NPAP1: variants seen among roughly 807,000 people sequenced by gnomAD.
The protein encoded by NPAP1 is nuclear pore associated protein 1, also known as nuclear pore-associated protein 1.
For missense variants in NPAP1, 1,483 were observed against 1,454.5 expected (o/e 1.02, Z -0.32); for synonymous variants, 616 against 581.4 (o/e 1.06, Z -0.86).
chr15:24,682,221 G>A lies in NPAP1; in HGVS notation c.*2883G>A, dbSNP rs1449671524. The A allele has an allele frequency of 6.0e-6, 1 of 167,000 alleles. No homozygotes were observed. Among genetic ancestry groups the A allele is most frequent in the Non-Finnish European group, 1.5e-5 (1 of 68,122 alleles). The allele number at this position is 167,000 out of a possible 1,614,324, so 10.3% of individuals were successfully genotyped here. Reference sequence around the variant, plus strand: ...CTAAATTGTTTAGTACAGTTCCAGAGGATCAAAGCTCCTGTTTCCTGGCCA... The same window carrying A: ...CTAAATTGTTTAGTACAGTTCCAGAAGATCAAAGCTCCTGTTTCCTGGCCA... On this transcript the variant is annotated 3_prime_UTR_variant, in exon 1 of 1. Coordinates refer to ENST00000329468, the MANE Select transcript of NPAP1 (RefSeq NM_018958.3).
At position 24,679,553 on chromosome 15, in the gene NPAP1, G is replaced by A. The variant is rs2049003620; in HGVS notation, c.*215G>A. 1 of 582,650 alleles carries A rather than the reference G, an allele frequency of 1.7e-6. No individual in the cohort carries two copies. The highest frequency in any genetic ancestry group is 1.9e-5 in the African/African-American group (1 of 53,342). The allele number at this position is 582,650 out of a possible 1,614,324, so 36.1% of individuals were successfully genotyped here. A position where few individuals can be genotyped will look rare whatever the true frequency, so the allele number is the denominator to read the frequency against. On this transcript the variant is annotated 3_prime_UTR_variant, in exon 1 of 1. Transcript: ENST00000329468. Reference sequence around the variant, plus strand: ...TGGGTCCCACCTGGACAAAACACAGGTGGTGCATCTGCAGTGAATGGCAAC... The same window carrying A: ...TGGGTCCCACCTGGACAAAACACAGATGGTGCATCTGCAGTGAATGGCAAC...
Position 24,676,642 on chromosome 15 carries a change from G to A in NPAP1, c.775G>A (p.Ala259Thr), listed in dbSNP as rs199720232. 3 of 1,613,818 alleles carry A rather than the reference G, an allele frequency of 1.9e-6. No individual in the cohort carries two copies. The highest frequency in any genetic ancestry group is 2.7e-5 in the African/African-American group (2 of 74,926). The change falls in exon 1 of 1, where the codon GCA (alanine) becomes ACA (threonine). Residue 259 changes from alanine (A) to threonine (T), a missense_variant. Transcript: ENST00000329468. Reference protein sequence around the residue: ...ARHLGKPDPDATAPPEPAVGC... With the variant: ...ARHLGKPDPDTTAPPEPAVGC... ...GCATCTTGGAAAGCCTGATCCGGATGCAACAGCGCCCCCTGAGCCAGCCGT... is the reference window on the plus strand; with the variant it reads ...GCATCTTGGAAAGCCTGATCCGGATACAACAGCGCCCCCTGAGCCAGCCGT...
Position 24,677,432 on chromosome 15 carries a change from A to T in NPAP1, c.1565A>T (p.Asp522Val), listed in dbSNP as rs2141310348. The part of the protein sequence containing the change: ...TRESPISMCV[D>V]SPPPLSFLTL... ...GAGTCCCCAATATCTATGTGTGTGG[A>T]TTCCCCTCCTCCTCTTTCCTTCCTG... is the stretch of plus-strand genomic sequence containing the variant. Residue 522 changes from aspartate (D) to valine (V), a missense_variant, in exon 1 of 1, where the codon GAT becomes GTT. Coordinates refer to ENST00000329468, the MANE Select transcript of NPAP1 (RefSeq NM_018958.3). 1.2e-6 allele frequency: 2 copies of T among 1,613,766 alleles called. No individual in the cohort carries two copies. The highest frequency in any genetic ancestry group is 1.6e-4 in the Middle Eastern group (1 of 6,062).
rs765927191 is a variant in NPAP1 at position 24,676,823 on chromosome 15, G to C, written c.956G>C (p.Arg319Thr). 26 of 1,612,932 alleles carry C rather than the reference G, an allele frequency of 1.6e-5. No individual in the cohort carries two copies. Among genetic ancestry groups the C allele is most frequent in the Non-Finnish European group, 2.2e-5 (26 of 1,180,018 alleles). The change falls in exon 1 of 1, where the codon AGA becomes ACA. Residue 319 changes from arginine (R) to threonine (T), a missense_variant. Transcript: ENST00000329468. ...CIPPRSAAPP[R>T]AARNRPCKRK... ...CCTCCAAGGAGCGCTGCTCCTCCCA[G>C]AGCTGCCCGCAACAGGCCCTGCAAA...
chr15:24,681,006 A>G lies in NPAP1; in HGVS notation c.*1668A>G, dbSNP rs1363121974. 3 of 167,078 alleles carry G rather than the reference A, an allele frequency of 1.8e-5. No homozygotes were observed. The highest frequency in any genetic ancestry group is 4.4e-5 in the Non-Finnish European group (3 of 68,140). The allele number at this position is 167,078 out of a possible 1,614,324, so 10.3% of individuals were successfully genotyped here. On this transcript the variant is annotated 3_prime_UTR_variant, in exon 1 of 1. Coordinates refer to ENST00000329468, the MANE Select transcript of NPAP1 (RefSeq NM_018958.3). Reference sequence around the variant, plus strand: ...GCCTAGAGAGAAGCAGTTGAGCCAGATATATGAGCAAAGACCTTTCCAGAT... The same window carrying G: ...GCCTAGAGAGAAGCAGTTGAGCCAGGTATATGAGCAAAGACCTTTCCAGAT...
rs191107486 is a variant in NPAP1 at position 24,680,053 on chromosome 15, T to A, written c.*715T>A. On this transcript the variant is annotated 3_prime_UTR_variant, in exon 1 of 1. Coordinates refer to ENST00000329468, the MANE Select transcript of NPAP1 (RefSeq NM_018958.3). ...AGCCTTAGCCCAGGCTGGAGTGTAG[T>A]AGCACAATCTCGGCTCACTGCAACC... is the stretch of plus-strand genomic sequence containing the variant. The A allele has an allele frequency of 4.5e-5, 8 of 176,566 alleles. No homozygotes were observed. The highest frequency in any genetic ancestry group is 6.7e-5 in the Non-Finnish European group (5 of 75,098). 10.9% of individuals were successfully genotyped at this position (176,566 alleles called of 1,614,324 possible).
rs2141311582 is a variant in NPAP1 at position 24,677,995 on chromosome 15, A to G, written c.2128A>G (p.Ile710Val). ...MHTTPPSKAV[I>V]LQSASVSKKY... ...TACCACTCCTCCTTCCAAGGCTGTC[A>G]TCTTGCAGTCTGCCTCTGTCTCCAA... is the stretch of plus-strand genomic sequence containing the variant. Residue 710 changes from isoleucine (I) to valine (V), a missense_variant, in exon 1 of 1, where the codon ATC becomes GTC. Physicochemically the swap from Ile to Val is conservative, Grantham distance 29. Transcript: ENST00000329468. The G allele has an allele frequency of 2.5e-6, 4 of 1,614,018 alleles. No homozygotes were observed. Among genetic ancestry groups the G allele is most frequent in the Non-Finnish European group, 2.5e-6 (3 of 1,180,016 alleles).
chr15:24,680,439 A>T lies in NPAP1; in HGVS notation c.*1101A>T, dbSNP rs560519104. On this transcript the variant is annotated 3_prime_UTR_variant, in exon 1 of 1. Coordinates refer to ENST00000329468, the MANE Select transcript of NPAP1 (RefSeq NM_018958.3). ...AGCCACCAACTCATTTTTTACTCCT[A>T]TCAATGGTCTTAAGAAATAAGCACT... The T allele has an allele frequency of 1.8e-5, 3 of 167,210 alleles. No individual in the cohort carries two copies. The highest frequency in any genetic ancestry group is 6.5e-5 in the Admixed American group (1 of 15,304). 10.4% of individuals were successfully genotyped at this position (167,210 alleles called of 1,614,324 possible). A position where few individuals can be genotyped will look rare whatever the true frequency, so the allele number is the denominator to read the frequency against.
In NPAP1 at chr15:24,679,088, G is replaced by C. The variant is rs752566613; in HGVS notation, c.3221G>C (p.Ser1074Thr). ...HSMAAAPQGASNIPVFGYTSA... is the reference protein window; with the variant it reads ...HSMAAAPQGATNIPVFGYTSA... ...ATGGCTGCTGCACCACAAGGGGCTA[G>C]CAACATTCCTGTATTTGGATATACT... The change falls in exon 1 of 1, where the codon AGC becomes ACC. Residue 1074 changes from serine (S) to threonine (T), a missense_variant. Coordinates refer to ENST00000329468, the MANE Select transcript of NPAP1 (RefSeq NM_018958.3). 1.9e-6 allele frequency: 3 copies of C among 1,614,080 alleles called. No individual in the cohort carries two copies. Among genetic ancestry groups the C allele is most frequent in the East Asian group, 2.2e-5 (1 of 44,874 alleles).
rs201894790 is a variant in NPAP1 at position 24,679,123 on chromosome 15, G to T, written c.3256G>T (p.Ala1086Ser). 6.2e-7 allele frequency: 1 copy of T among 1,614,182 alleles called. No individual in the cohort carries two copies. Among genetic ancestry groups the T allele is most frequent in the South Asian group, 1.1e-5 (1 of 91,088 alleles). Residue 1086 changes from alanine to serine, a missense_variant, in exon 1 of 1, where the codon GCC becomes TCC. Coordinates refer to ENST00000329468, the MANE Select transcript of NPAP1 (RefSeq NM_018958.3). ...TGTATTTGGATATACTTCTGCTGCC[G>T]CCTACATTCCTGGTTTAGACCCACC... is the stretch of plus-strand genomic sequence containing the variant. Reference protein sequence around the residue: ...IPVFGYTSAAAYIPGLDPPTQ... With the variant: ...IPVFGYTSAASYIPGLDPPTQ...
In NPAP1 at chr15:24,675,909, C is replaced by G. The variant is rs2048971429; in HGVS notation, c.42C>G (p.Arg14=). The change falls in exon 1 of 1, where the codon CGC becomes CGG. Residue 14 remains arginine (R), a synonymous_variant. Transcript: ENST00000329468. ...LLSKFRPGCR[R]RPLPGPGRGA... is the part of the protein sequence containing the mutation. ...GTAAATTTAGACCCGGGTGCCGCCG[C>G]CGGCCCCTGCCAGGGCCAGGGCGTG... 5.7e-6 allele frequency: 9 copies of G among 1,580,178 alleles called. No homozygotes were observed. The highest frequency in any genetic ancestry group is 7.7e-6 in the Non-Finnish European group (9 of 1,166,818).
rs2141312592 is a variant in NPAP1, at chr15:24,678,419, A to G, written c.2552A>G (p.Tyr851Cys). 1 of 1,613,860 alleles carries G rather than the reference A, an allele frequency of 6.2e-7. No individual in the cohort carries two copies. The highest frequency in any genetic ancestry group is 8.5e-7 in the Non-Finnish European group (1 of 1,179,976). ...AGGAAGGAGGAGTACATCCGATTTT[A>G]TATGGGGCTTCCTGGTTCTGGGAAC... ...VSRKEEYIRF[Y>C]MGLPGSGNTL... Residue 851 changes from tyrosine (Y) to cysteine (C), a missense_variant, in exon 1 of 1, where the codon TAT becomes TGT. Tyr to Cys is a radical substitution (Grantham distance 194). Coordinates refer to ENST00000329468, the MANE Select transcript of NPAP1 (RefSeq NM_018958.3).
Position 24,676,648 on chromosome 15 carries a change from G to T in NPAP1, c.781G>T (p.Ala261Ser), listed in dbSNP as rs1450179943. The T allele has an allele frequency of 2.5e-6, 4 of 1,613,964 alleles. No homozygotes were observed. The highest frequency in any genetic ancestry group is 3.4e-6 in the Non-Finnish European group (4 of 1,180,044). The change falls in exon 1 of 1, where the codon GCG (alanine) becomes TCG (serine). Residue 261 changes from alanine (A) to serine (S), a missense_variant. Ala to Ser is a moderately conservative substitution (Grantham distance 99). Transcript: ENST00000329468. ...TGGAAAGCCTGATCCGGATGCAACA[G>T]CGCCCCCTGAGCCAGCCGTTGGCTG... The part of the protein sequence containing the change: ...HLGKPDPDAT[A>S]PPEPAVGCSL...
chr15:24,677,550 A>G lies in NPAP1; in HGVS notation c.1683A>G (p.Ala561=), dbSNP rs1175406309. 1 of 1,614,118 alleles carries G rather than the reference A, an allele frequency of 6.2e-7. No individual in the cohort carries two copies. The highest frequency in any genetic ancestry group is 2.2e-5 in the East Asian group (1 of 44,870). The change falls in exon 1 of 1, where the codon GCA becomes GCG. Residue 561 remains alanine, a synonymous_variant. Transcript: ENST00000329468. ...TCATTTCCACTGTCACAACAAACGC[A>G]TCTGCCCACCTAACCTCACAGACTG... The part of the protein sequence containing the change: ...TSVISTVTTN[A]SAHLTSQTAV...
Position 24,678,299 on chromosome 15 carries a change from C to T in NPAP1, c.2432C>T (p.Ser811Phe), listed in dbSNP as rs2141312322. 6.2e-7 allele frequency: 1 copy of T among 1,614,186 alleles called. No individual in the cohort carries two copies. The highest frequency in any genetic ancestry group is 8.5e-7 in the Non-Finnish European group (1 of 1,180,036). Reference sequence around the variant, plus strand: ...ACCTCCACTTTAGTGAGCAGTGCCTCTGCAGCATCGTTATCCAAGCCTGCC... The same window carrying T: ...ACCTCCACTTTAGTGAGCAGTGCCTTTGCAGCATCGTTATCCAAGCCTGCC... ...PDTSTLVSSASAASLSKPAID... is the reference protein window; with the variant it reads ...PDTSTLVSSAFAASLSKPAID... Residue 811 changes from serine (S) to phenylalanine (F), a missense_variant, in exon 1 of 1, where the codon TCT (serine) becomes TTT (phenylalanine). By Grantham distance (155) the Ser-to-Phe change is radical. Coordinates refer to ENST00000329468, the MANE Select transcript of NPAP1 (RefSeq NM_018958.3).
rs2141309750 is a variant in NPAP1 at position 24,677,167 on chromosome 15, A to G, written c.1300A>G (p.Thr434Ala). 6.2e-7 allele frequency: 1 copy of G among 1,613,948 alleles called. No individual in the cohort carries two copies. Among genetic ancestry groups the G allele is most frequent in the South Asian group, 1.1e-5 (1 of 91,068 alleles). ...LPIPDLADLA[T>A]GPLILPIPPL... ...CATCCCTGACTTGGCTGACCTGGCT[A>G]CTGGACCCCTCATCCTGCCTATCCC... is the stretch of plus-strand genomic sequence containing the variant. Residue 434 changes from threonine to alanine, a missense_variant, in exon 1 of 1, where the codon ACT (threonine) becomes GCT (alanine). Transcript: ENST00000329468.
rs2049015233 is a variant in NPAP1, at chr15:24,681,342, T to C, written c.*2004T>C. 6.0e-6 allele frequency: 1 copy of C among 166,732 alleles called. No individual in the cohort carries two copies. The highest frequency in any genetic ancestry group is 1.5e-5 in the Non-Finnish European group (1 of 68,106). The allele number at this position is 166,732 out of a possible 1,614,324, so 10.3% of individuals were successfully genotyped here. A position where few individuals can be genotyped will look rare whatever the true frequency, so the allele number is the denominator to read the frequency against. ...TATAAGCTTTTGTTGTAATTTGTTATATACATAGGGATGGATAGACGGATG... is the reference window on the plus strand; with the variant it reads ...TATAAGCTTTTGTTGTAATTTGTTACATACATAGGGATGGATAGACGGATG... On this transcript the variant is annotated 3_prime_UTR_variant, in exon 1 of 1. Transcript: ENST00000329468.
At position 24,678,188 on chromosome 15, in the gene NPAP1, T is replaced by G. The variant is rs764123674; in HGVS notation, c.2321T>G (p.Phe774Cys). The change falls in exon 1 of 1, where the codon TTT becomes TGT. Residue 774 changes from phenylalanine (F) to cysteine (C), a missense_variant. Coordinates refer to ENST00000329468, the MANE Select transcript of NPAP1 (RefSeq NM_018958.3). ...CCAGGAGCCACCCCTCAACCCAAAT[T>G]TGGGGCCCCTGATGGGCCGCAGCAG... ...LNPGATPQPK[F>C]GAPDGPQQKT... 6.2e-7 allele frequency: 1 copy of G among 1,612,796 alleles called. No individual in the cohort carries two copies. Among genetic ancestry groups the G allele is most frequent in the Admixed American group, 1.7e-5 (1 of 59,850 alleles).
At position 24,678,944 on chromosome 15, in the gene NPAP1, C is replaced by T. The variant is rs2048998618; in HGVS notation, c.3077C>T (p.Ala1026Val). 3 of 1,614,002 alleles carry T rather than the reference C, an allele frequency of 1.9e-6. No individual in the cohort carries two copies. Among genetic ancestry groups the T allele is most frequent in the South Asian group, 1.1e-5 (1 of 91,090 alleles). ...DGGSIGFSMSAPGPSSTSGEL... is the reference protein window; with the variant it reads ...DGGSIGFSMSVPGPSSTSGEL... Reference sequence around the variant, plus strand: ...GGGAGCATTGGGTTCAGCATGTCTGCCCCAGGCCCCAGTTCCACATCAGGA... The same window carrying T: ...GGGAGCATTGGGTTCAGCATGTCTGTCCCAGGCCCCAGTTCCACATCAGGA... Residue 1026 changes from alanine (A) to valine (V), a missense_variant, in exon 1 of 1, where the codon GCC (alanine) becomes GTC (valine). Transcript: ENST00000329468.
Sources: gnomAD v4.1 joint callset for allele counts on GRCh38, gnomAD v4.1.1 for gene constraint, MANE v1.5 for transcripts, NCBI Gene and HGNC (gene_info 2026-07-23, HGNC 2026-07-21) for gene names.